ATP2B3: variants seen among roughly 807,000 people sequenced by gnomAD.
The protein encoded by ATP2B3 is ATPase plasma membrane Ca2+ transporting 3, also known as plasma membrane calcium-transporting ATPase 3.
In ATP2B3, 12 loss-of-function variants were observed where a neutral mutation model predicts 70.8. The ratio of observed to expected loss-of-function variants is 0.17; its 90% CI spans 0.11 to 0.27. The LOEUF is 0.27. Ranked by LOEUF, ATP2B3 falls within the 10% of genes least tolerant of loss-of-function variation. ATP2B3 has a pLI of 1.00. For synonymous variants in ATP2B3, 460 were observed against 497.8 expected, an observed-to-expected ratio of 0.92 and a Z score of 1.01; for missense variants, 858 against 1,118.5, an observed-to-expected ratio of 0.77 and a Z score of 3.32.
intron 3 of ATP2B3, among the ~76,000 whole-genome samples, chrX:153,537,910 C>G (rs1300166666): frequency 8.9e-6 from 1 of 112,805 alleles, no homozygotes; most frequent in Admixed American, 9.3e-5. Flanking sequence ...GGAGCTCTTG[C>G]GTGCCTGTGG....
chrX:153,578,050 C>G (rs1215726429), intron 21 of ATP2B3, among the ~76,000 whole-genome samples: 1 of 112,446 alleles, frequency 8.9e-6, no homozygotes, highest in Non-Finnish European at 1.9e-5. Context: ...GATTAATTGT[C>G]TAAACGACAG....
chrX:153,576,034 C>T (rs58551593), intron 21 of ATP2B3, among the ~76,000 whole-genome samples: 72 of 111,931 alleles, frequency 6.4e-4, no homozygotes, highest in African/African-American at 2.3e-3. Context: ...GCATCTCTCC[C>T]GGAAGAGTGC....
At chrX:153,528,796 A>G (rs1407128235) in intron 2 of ATP2B3, among the ~76,000 whole-genome samples, 1 of 112,309 alleles carries the variant, frequency 8.9e-6, no homozygotes, top group African/African-American at 3.2e-5. Context: ...TCAGCATTCC[A>G]GCTGGCAGGA....
In ATP2B3 at chrX:153,535,935, C is replaced by G. The variant is rs1022017387; in HGVS notation, c.-126-187C>G. ...CTGGGCACCCATGGTGGGCAGGACC[C>G]GGGAGTGGCCTGGCTGGTGGGGCCT... On this transcript the variant is annotated intron_variant, in intron 2 of 21. Transcript: ENST00000263519. Among the ~76,000 whole-genome samples the G allele has an allele frequency of 3.5e-5, 4 of 113,044 alleles. No individual in the cohort carries two copies. In the South Asian group the frequency reaches 1.4e-3, roughly 41 times the overall value.
At chrX:153,548,920 C>T in intron 10 of ATP2B3, 66 bp downstream of exon 10, 5 of 1,060,637 alleles carry the variant, frequency 4.7e-6, no homozygotes, top group Non-Finnish European at 6.5e-6. Flanking sequence ...AGTCATTGGG[C>T]GCCTTGGTGG....
chrX:153,560,589 T>G (rs2090609821), intron 18 of ATP2B3, 87 bp from the exon 19 acceptor site: 7 of 1,031,493 alleles, frequency 6.8e-6, no homozygotes, highest in Non-Finnish European at 9.3e-6. Context: ...GGGACCCATC[T>G]CGGGAGCTAC....
chrX:153,560,406 G>T (rs1410886018), intron 18 of ATP2B3, among the ~76,000 whole-genome samples: 4 of 111,623 alleles, frequency 3.6e-5, no homozygotes, highest in African/African-American at 1.3e-4. Flanking sequence ...GAGGGCGTCC[G>T]AGGAAAGCCA....
At position 153,542,459 on chromosome X, in the gene ATP2B3, C is replaced by T; in HGVS notation, c.790+11C>T. ...CCATGCTGCTCTCAGGTGAGGGCCA[C>T]CCTCCGGGCCAGCCTGGCACCAAGG... On this transcript the variant is annotated intron_variant, in intron 6 of 21. Coordinates refer to ENST00000263519, the MANE Select transcript of ATP2B3 (RefSeq NM_001001344.3). 8.3e-7 allele frequency: 1 copy of T among 1,208,763 alleles called. No individual in the cohort carries two copies. Among genetic ancestry groups the T allele is most frequent in the Non-Finnish European group, 1.1e-6 (1 of 894,053 alleles).
chrX:153,553,372 T>C (rs782014126), intron 13 of ATP2B3, 103 bp downstream of exon 13: 1 of 702,955 alleles, frequency 1.4e-6, no homozygotes, highest in East Asian at 3.5e-5. Context: ...GCTGCTGCGG[T>C]CCCTCCGTAG....
At chrX:153,569,534 C>G (rs1460532594) in intron 21 of ATP2B3, 1 of 1,155,428 alleles carries the variant, frequency 8.7e-7, no homozygotes, top group African/African-American at 1.8e-5. Flanking sequence ...TATCCTCGCC[C>G]AGCCCTCCCC....
rs782589482 is a variant in ATP2B3 at position 153,579,999 on chromosome X, C to T, written c.3364C>T (p.Arg1122Cys). The change falls in exon 22 of 22, where the codon CGT becomes TGT. Residue 1122 changes from arginine to cysteine, a missense_variant. Around this residue, in one of 5 missense-constraint regions of ATP2B3, gnomAD observed 265 missense variants for 305.3 expected, o/e 0.87. Coordinates refer to ENST00000263519, the MANE Select transcript of ATP2B3 (RefSeq NM_001001344.3). ...CCAGATCCGGGTGGTGAAAGCGTTC[C>T]GTAGCTCGCTCTATGAAGGCCTGGA... Reference protein sequence around the residue: ...QTQIRVVKAFRSSLYEGLEKP... With the variant: ...QTQIRVVKAFCSSLYEGLEKP... 4 of 1,207,510 alleles carry T rather than the reference C, an allele frequency of 3.3e-6. No homozygotes were observed. The highest frequency in any genetic ancestry group is 4.5e-6 in the Non-Finnish European group (4 of 891,956).
chrX:153,577,039 A>C (rs1557021523), intron 21 of ATP2B3, among the ~76,000 whole-genome samples: 1 of 112,623 alleles, frequency 8.9e-6, no homozygotes, highest in African/African-American at 3.2e-5. Flanking sequence ...ACTCCAGCCA[A>C]GCTTAGCACC....
At chrX:153,571,041 CCTT>C (rs1457912170) in intron 21 of ATP2B3, among the ~76,000 whole-genome samples, 2 of 110,377 alleles carry the variant, frequency 1.8e-5, no homozygotes, top group African/African-American at 3.3e-5. Context: ...CACACACACT[CCTT>C]CTCCAAACCA....
intron 21 of ATP2B3, among the ~76,000 whole-genome samples, chrX:153,568,466 C>T (rs989865466): frequency 1.8e-5 from 2 of 111,139 alleles, no homozygotes; most frequent in African/African-American, 6.6e-5. Context: ...AGCGAGAGTC[C>T]TCTCCTGAAT....
intron 16 of ATP2B3, 77 bp from the exon 17 acceptor site, chrX:153,558,035 C>T (rs1194158025): frequency 1.6e-5 from 17 of 1,045,568 alleles, no homozygotes; most frequent in Admixed American, 5.7e-5. Context: ...CCAGCCCAGG[C>T]GGGCCAGGTG....
At chrX:153,575,500 C>T (rs1247338091) in intron 21 of ATP2B3, among the ~76,000 whole-genome samples, 1 of 112,012 alleles carries the variant, frequency 8.9e-6, no homozygotes, top group African/African-American at 3.2e-5. Context: ...AGACTGGGGC[C>T]GGCTCCGAGG....
intron 2 of ATP2B3, among the ~76,000 whole-genome samples, chrX:153,518,841 G>A (rs1163771691): frequency 8.9e-6 from 1 of 112,122 alleles, no homozygotes; most frequent in African/African-American, 3.2e-5. Flanking sequence ...ATTTCCTGGC[G>A]AGGTCATATA....
In ATP2B3 at chrX:153,536,395, G is replaced by A. The variant is rs1379952932; in HGVS notation, c.148G>A (p.Glu50Lys). 17 of 1,204,825 alleles carry A rather than the reference G, an allele frequency of 1.4e-5. No individual in the cohort carries two copies. The highest frequency in any genetic ancestry group is 1.7e-5 in the African/African-American group (1 of 57,633). ...LRGAEALQKIEEAYGDVSGLC... is the reference protein window; with the variant it reads ...LRGAEALQKIKEAYGDVSGLC... The stretch of plus-strand genomic sequence containing the variant: ...AGGGGCCGAGGCGCTGCAGAAGATC[G>A]AGGAGGCCTACGGGGATGTCAGCGG... The change falls in exon 3 of 22, where the codon GAG (glutamate) becomes AAG (lysine). Residue 50 changes from glutamate (E) to lysine (K), a missense_variant. Coordinates refer to ENST00000263519, the MANE Select transcript of ATP2B3 (RefSeq NM_001001344.3).
At chrX:153,561,036 G>A (rs782560320) in intron 19 of ATP2B3, 149 bp downstream of exon 19, 34 of 630,292 alleles carry the variant, frequency 5.4e-5, no homozygotes, top group South Asian at 1.2e-4. Flanking sequence ...TGTAGCCCCC[G>A]TCCTCTCTGC....
Sources: allele counts gnomAD v4.1 joint callset (sites outside exome capture counted in the v4.1 genomes callset), GRCh38; gene constraint gnomAD v4.1.1; regional missense constraint gnomAD v4.1.1; transcripts MANE v1.5; gene names NCBI Gene and HGNC (gene_info 2026-07-23, HGNC 2026-07-21).